The following ANKMY1 variants were observed in gnomAD, a reference collection of about 807,000 sequenced individuals.
ANKMY1 encodes ankyrin repeat and MYND domain containing 1.
In ANKMY1, 98 loss-of-function variants were observed where a neutral mutation model predicts 102.0. The observed-to-expected ratio is 0.96, with a 90% CI of 0.82 to 1.14. The LOEUF (loss-of-function observed/expected upper bound fraction) is 1.14, where lower values mean the gene tolerates loss of function less well. ANKMY1 is among the 50% of genes most tolerant of loss of function. The pLI is 0.00. For synonymous variants in ANKMY1, 582 were observed against 559.9 expected (o/e 1.04, Z -0.56); for missense variants, 1,330 against 1,347.6 (o/e 0.99, Z 0.20).
At chr2:240,489,724 T>C (rs1281580130) in intron 15 of ANKMY1, among the ~76,000 whole-genome samples, 1 of 152,214 alleles carries the variant, frequency 6.6e-6, no homozygotes, top group African/African-American at 2.4e-5. Context: ...CCTGTAGATT[T>C]TTCTGCATGT....
intron 4 of ANKMY1, among the ~76,000 whole-genome samples, chr2:240,531,446 C>G (rs2085370049): frequency 1.3e-5 from 2 of 152,146 alleles, no homozygotes; most frequent in Non-Finnish European, 2.9e-5. Flanking sequence ...TTCTGGGCAG[C>G]TTTATTCATA....
intron 16 of ANKMY1, among the ~76,000 whole-genome samples, chr2:240,481,771 C>A (rs966716596): frequency 1.3e-5 from 2 of 152,168 alleles, no homozygotes; most frequent in Admixed American, 1.3e-4. Context: ...TAGGAAGGTG[C>A]AGGTGTGCAG....
intron 15 of ANKMY1, among the ~76,000 whole-genome samples, chr2:240,485,475 A>G (rs2075943731): frequency 6.6e-6 from 1 of 152,274 alleles, no homozygotes; most frequent in Admixed American, 6.5e-5. Context: ...TCAAGGATCT[A>G]GAACAAGTGG....
chr2:240,513,739 G>C (rs1274976047), intron 9 of ANKMY1, among the ~76,000 whole-genome samples: 1 of 152,238 alleles, frequency 6.6e-6, no homozygotes, highest in Non-Finnish European at 1.5e-5. Flanking sequence ...GGCAGCTGCT[G>C]ACTCCCAGGA....
At chr2:240,527,788 GAT>G (rs2084177785) in intron 5 of ANKMY1, 1 of 150,526 alleles carries the variant, frequency 6.6e-6, no homozygotes, top group Non-Finnish European at 1.5e-5. Flanking sequence ...TAGATGAACA[GAT>G]GCCTGAAAGA....
At chr2:240,560,525 C>T (rs1235474456), upstream of ANKMY1, 2 of 1,131,910 alleles carry the variant, frequency 1.8e-6, no homozygotes, top group African/African-American at 1.6e-5. Context: ...GGCCCAGCGC[C>T]CGCGGGGGAC....
intron 8 of ANKMY1, 89 bp downstream of exon 8, chr2:240,523,796 T>G: frequency 1.3e-6 from 2 of 1,520,494 alleles, no homozygotes; most frequent in Non-Finnish European, 1.8e-6. Flanking sequence ...CGCCTCCCAC[T>G]GGCACAGGGA....
the ANKMY1 span, among the ~76,000 whole-genome samples, chr2:240,471,972 T>C: frequency 6.6e-6 from 1 of 151,654 alleles, no homozygotes; most frequent in East Asian, 2.0e-4. Context: ...CCACCAACCT[T>C]GGTTCCACTG....
chr2:240,508,819 G>A (rs1416273774), intron 12 of ANKMY1, among the ~76,000 whole-genome samples: 1 of 152,188 alleles, frequency 6.6e-6, no homozygotes, highest in Non-Finnish European at 1.5e-5. Flanking sequence ...CTGGGTGAAT[G>A]AAGGATGATG....
chr2:240,472,202 C>T, the ANKMY1 span, among the ~76,000 whole-genome samples: 2 of 152,174 alleles, frequency 1.3e-5, no homozygotes, highest in Admixed American at 6.5e-5. Context: ...CCCAGCTGTA[C>T]GCTGGGAGGC....
chr2:240,520,635 G>C lies in ANKMY1; in HGVS notation c.1833-102C>G. On this transcript the variant is annotated intron_variant, in intron 8 of 17. Coordinates refer to ENST00000401804, the MANE Select transcript of ANKMY1 (RefSeq NM_001282771.3). This position sits in a 1 kb window ranked among gnomAD's most constrained non-coding sequence, Gnocchi z 4.8. Reference sequence around the variant, plus strand: ...AGGAGGCTGGGGAGGGGCGCGTAGGGAGTATGTGTGTGCCGCAACTACACA... The same window carrying C: ...AGGAGGCTGGGGAGGGGCGCGTAGGCAGTATGTGTGTGCCGCAACTACACA... The C allele has an allele frequency of 7.2e-7, 1 of 1,390,792 alleles. No individual in the cohort carries two copies. Among genetic ancestry groups the C allele is most frequent in the Non-Finnish European group, 9.6e-7 (1 of 1,044,512 alleles). 86.2% of individuals were successfully genotyped at this position (1,390,792 alleles called of 1,614,324 possible).
At chr2:240,485,004 A>G (rs1227869362) in intron 15 of ANKMY1, among the ~76,000 whole-genome samples, 1 of 152,190 alleles carries the variant, frequency 6.6e-6, no homozygotes, top group Non-Finnish European at 1.5e-5. Flanking sequence ...ATGAGATACC[A>G]TCTCATGCCA....
rs540302878 is a variant in ANKMY1 at position 240,482,122 on chromosome 2, C to G, written c.2885+61G>C. Reference sequence around the variant, plus strand: ...GATGAGGTGGTCAGGCCAGGCACAACAGCACTGTCCAAACCACAGGCTGCC... The same window carrying G: ...GATGAGGTGGTCAGGCCAGGCACAAGAGCACTGTCCAAACCACAGGCTGCC... On this transcript the variant is annotated intron_variant, in intron 16 of 17. Transcript: ENST00000401804. 35 of 1,565,530 alleles carry G rather than the reference C, an allele frequency of 2.2e-5. No homozygotes were observed. In the African/African-American group the frequency reaches 3.7e-4, roughly 16 times the overall value.
chr2:240,491,733 C>T (rs911958435), intron 15 of ANKMY1, among the ~76,000 whole-genome samples: 2 of 151,734 alleles, frequency 1.3e-5, no homozygotes, highest in Non-Finnish European at 2.9e-5. Context: ...GTTGAATATA[C>T]CACCCCATTC....
intron 5 of ANKMY1, chr2:240,526,807 T>C (rs780194892): frequency 1.7e-6 from 2 of 1,202,036 alleles, no homozygotes; most frequent in Non-Finnish European, 2.1e-6. Context: ...ATACATGTGG[T>C]TCCAGTCTCA....
intron 5 of ANKMY1, chr2:240,527,452 G>T (rs1372741263): frequency 6.5e-6 from 1 of 153,016 alleles, no homozygotes; most frequent in African/African-American, 2.4e-5. Context: ...TGAATGGATG[G>T]CTGGATGAAT....
At position 240,524,109 on chromosome 2, in the gene ANKMY1, G is replaced by A. The variant is rs140468693; in HGVS notation, c.1608C>T (p.Ser536=). The A allele has an allele frequency of 3.2e-5, 51 of 1,614,026 alleles. 1 individual carries two copies. The highest frequency in any genetic ancestry group is 1.1e-4 in the East Asian group (5 of 44,874). Residue 536 remains serine, a synonymous_variant, in exon 8 of 18, where the codon AGC becomes AGT. Transcript: ENST00000401804. ...LVKGSLGHVE[S]GLEDVLGNTD... ...TGTTTCCCAACACGTCCTCAAGCCC[G>A]CTTTCCACATGGCCAAGGCTGCCCT...
chr2:240,528,923 A>G, intron 5 of ANKMY1, 114 bp downstream of exon 5: 3 of 922,544 alleles, frequency 3.3e-6, no homozygotes, highest in South Asian at 3.1e-5. Flanking sequence ...GAGTGTGTTT[A>G]GGTCACCCTG....
At chr2:240,527,208 C>T (rs760081004) in intron 5 of ANKMY1, 41 of 53,930 alleles carry the variant, frequency 7.6e-4, no homozygotes, top group Non-Finnish European at 1.2e-3. Flanking sequence ...GAATGGGTGC[C>T]GCATTGGTGG....
Sources: allele counts gnomAD v4.1 joint callset (sites outside exome capture counted in the v4.1 genomes callset), GRCh38; gene constraint gnomAD v4.1.1; non-coding constraint Gnocchi (gnomAD v3.1); transcripts MANE v1.5; gene names NCBI Gene and HGNC (gene_info 2026-07-23, HGNC 2026-07-21).